The following SLAMF7 variants were observed in gnomAD, a reference collection of about 807,000 sequenced individuals.
The protein encoded by SLAMF7 is SLAM family member 7.
A neutral mutation model predicts 34.1 loss-of-function variants in SLAMF7; 26 were observed. The observed-to-expected ratio is 0.76, with a 90% CI of 0.56 to 1.06. SLAMF7 has a LOEUF of 1.06. Among genes scored for constraint, SLAMF7 ranks in the 50% least tolerant of loss-of-function variants. SLAMF7 has a pLI of 0.00. For missense variants in SLAMF7, 399 were observed against 402.5 expected, an observed-to-expected ratio of 0.99 and a Z score of 0.07; for synonymous variants, 171 against 156.4, an observed-to-expected ratio of 1.09 and a Z score of -0.70.
intron 1 of SLAMF7, chr1:160,739,591 C>A: frequency 2.4e-6 from 1 of 420,512 alleles, no homozygotes; most frequent in Non-Finnish European, 4.3e-6. Flanking sequence ...GATGAAGGAG[C>A]TGAAAGAAGT....
At chr1:160,750,533 T>G (rs1188093848) in intron 4 of SLAMF7, 110 bp downstream of exon 4, 2 of 1,331,998 alleles carry the variant, frequency 1.5e-6, no homozygotes, top group African/African-American at 2.9e-5. Context: ...GTGTTGAAGA[T>G]GCAGAGATGA....
Position 160,750,293 on chromosome 1 carries a change from A to G in SLAMF7, c.650-11A>G, listed in dbSNP as rs779237074. The G allele has an allele frequency of 6.2e-7, 1 of 1,613,224 alleles. No homozygotes were observed. Among genetic ancestry groups the G allele is most frequent in the Non-Finnish European group, 8.5e-7 (1 of 1,179,620 alleles). On this transcript the variant is annotated splice_polypyrimidine_tract_variant and intron_variant, in intron 3 of 6. Transcript: ENST00000368043. ...TTCTCCCTTCCCTGTGCCTCCACCCATTCTCTGAAGGTGCTGCTGATGACC... is the reference window on the plus strand; with the variant it reads ...TTCTCCCTTCCCTGTGCCTCCACCCGTTCTCTGAAGGTGCTGCTGATGACC...
At chr1:160,752,015 C>CA (rs1050082988) in intron 5 of SLAMF7, 171 bp from the exon 6 acceptor site, 11 of 539,068 alleles carry the variant, frequency 2.0e-5, no homozygotes, top group Non-Finnish European at 3.7e-5. Flanking sequence ...TAGCAGTCAC[C>CA]AACAAGAGAA....
chr1:160,751,415 G>T lies in SLAMF7; in HGVS notation c.840G>T (p.Glu280Asp), dbSNP rs749245846. 6.2e-7 allele frequency: 1 copy of T among 1,613,796 alleles called. No individual in the cohort carries two copies. Among genetic ancestry groups the T allele is most frequent in the African/African-American group, 1.3e-5 (1 of 74,886 alleles). ...CTAACATATGCCCCCATTCTGGAGA[G>T]AACACAGAGTACGACACAATCCCTC... is the stretch of plus-strand genomic sequence containing the variant. ...ETPNICPHSG[E>D]NTEYDTIPHT... The change falls in exon 5 of 7, where the codon GAG (glutamate) becomes GAT (aspartate). Residue 280 changes from glutamate (E) to aspartate (D), a missense_variant. Physicochemically the swap from Glu to Asp is conservative, Grantham distance 45 (BLOSUM62 2). Coordinates refer to ENST00000368043, the MANE Select transcript of SLAMF7 (RefSeq NM_021181.5).
At chr1:160,740,156 A>C (rs1166390711) in intron 1 of SLAMF7, among the ~76,000 whole-genome samples, 1 of 152,042 alleles carries the variant, frequency 6.6e-6, no homozygotes, top group Non-Finnish European at 1.5e-5. Flanking sequence ...GGTGCCCCCA[A>C]TATTTTCCCC....
At chr1:160,747,045 T>C (rs1487407274) in intron 1 of SLAMF7, among the ~76,000 whole-genome samples, 1 of 152,170 alleles carries the variant, frequency 6.6e-6, no homozygotes, top group Non-Finnish European at 1.5e-5. Context: ...ATGAGCTCAA[T>C]TACAATGTGA....
intron 6 of SLAMF7, among the ~76,000 whole-genome samples, chr1:160,752,875 G>A (rs949121867): frequency 1.3e-5 from 2 of 152,160 alleles, no homozygotes; most frequent in African/African-American, 4.8e-5. Context: ...TATTACAACT[G>A]AACAAGGAAA....
chr1:160,752,987 G>A (rs1009773345), intron 6 of SLAMF7, 119 bp from the exon 7 acceptor site: 7 of 811,302 alleles, frequency 8.6e-6, no homozygotes, highest in African/African-American at 1.7e-5. Flanking sequence ...GAGCCAGCAT[G>A]CCAGCCGATT....
rs747166783 is a variant in SLAMF7 at position 160,753,151 on chromosome 1, C to T, written c.982C>T (p.Leu328=). ...SLLTMPDTPR[L]FAYENVI is the part of the protein sequence containing the mutation. ...GCTCACGATGCCAGACACACCAAGG[C>T]TATTTGCCTATGAGAATGTTATCTA... The change falls in exon 7 of 7, where the codon CTA becomes TTA. Residue 328 remains leucine (L), a synonymous_variant. Transcript: ENST00000368043. 2.5e-6 allele frequency: 4 copies of T among 1,613,242 alleles called. No individual in the cohort carries two copies. Among genetic ancestry groups the T allele is most frequent in the Admixed American group, 3.3e-5 (2 of 59,994 alleles).
At chr1:160,742,831 G>C (rs1443812762) in intron 1 of SLAMF7, among the ~76,000 whole-genome samples, 1 of 152,164 alleles carries the variant, frequency 6.6e-6, no homozygotes, top group African/African-American at 2.4e-5. Context: ...ATAAAGCAGG[G>C]CTTAGGCTGT....
At chr1:160,739,134 GC>G (rs1663530743), upstream of SLAMF7, 1 of 671,716 alleles carries the variant, frequency 1.5e-6, no homozygotes, top group Non-Finnish European at 2.7e-6. Flanking sequence ...ATTGCTGGTG[GC>G]AAGGTAAAAT....
At position 160,754,552 on chromosome 1, in the gene SLAMF7, A is replaced by G. The variant is rs1043600591; in HGVS notation, c.*1375A>G. The G allele has an allele frequency of 6.6e-6, 1 of 152,358 alleles. No individual in the cohort carries two copies. The highest frequency in any genetic ancestry group is 2.4e-5 in the African/African-American group (1 of 41,452). 9.4% of individuals were successfully genotyped at this position (152,358 alleles called of 1,614,324 possible). A position where few individuals can be genotyped will look rare whatever the true frequency, so the allele number is the denominator to read the frequency against. On this transcript the variant is annotated 3_prime_UTR_variant, in exon 7 of 7. Coordinates refer to ENST00000368043, the MANE Select transcript of SLAMF7 (RefSeq NM_021181.5). Reference sequence around the variant, plus strand: ...CATCTCTTATACTTAAGTGAAAAACATGGGGAAGGGGAAAGGGGAATGGCT... The same window carrying G: ...CATCTCTTATACTTAAGTGAAAAACGTGGGGAAGGGGAAAGGGGAATGGCT...
intron 1 of SLAMF7, among the ~76,000 whole-genome samples, chr1:160,740,184 A>G (rs1301496400): frequency 6.6e-6 from 1 of 152,070 alleles, no homozygotes; most frequent in African/African-American, 2.4e-5. Flanking sequence ...CTAAGTGGTC[A>G]GCATCAGCAG....
At chr1:160,752,363 A>T in intron 6 of SLAMF7, 115 bp downstream of exon 6, 2 of 723,296 alleles carry the variant, frequency 2.8e-6, no homozygotes, top group South Asian at 3.5e-5. Context: ...ATTAAAAAGT[A>T]CCCTAGTAGT....
At chr1:160,743,096 C>G (rs1387284281) in intron 1 of SLAMF7, among the ~76,000 whole-genome samples, 1 of 152,148 alleles carries the variant, frequency 6.6e-6, no homozygotes, top group Non-Finnish European at 1.5e-5. Flanking sequence ...GGCCTCTAAT[C>G]CTGTGGACCA....
chr1:160,747,654 G>A (rs962122501), intron 1 of SLAMF7, among the ~76,000 whole-genome samples: 2 of 152,204 alleles, frequency 1.3e-5, no homozygotes, highest in African/African-American at 2.4e-5. Flanking sequence ...AGCTGAGATC[G>A]TGCCACTGCA....
chr1:160,750,195 C>A, intron 3 of SLAMF7, 102 bp downstream of exon 3: 4 of 1,575,852 alleles, frequency 2.5e-6, no homozygotes, highest in Non-Finnish European at 3.4e-6. Context: ...AACTGGAGGC[C>A]GCTGGGTGGT....
chr1:160,740,630 C>A (rs1273600085), intron 1 of SLAMF7, among the ~76,000 whole-genome samples: 1 of 152,170 alleles, frequency 6.6e-6, no homozygotes, highest in Non-Finnish European at 1.5e-5. Context: ...ATTACTCTTC[C>A]CTTCTGAGCC....
In SLAMF7 at chr1:160,748,317, T is replaced by C; in HGVS notation, c.179T>C (p.Leu60Pro). ...GTCTGGACCTTCAACACAACCCCTC[T>C]TGTCACCATACAGCCAGAAGGGGGC... The part of the protein sequence containing the change: ...SIVWTFNTTP[L>P]VTIQPEGGTI... The change falls in exon 2 of 7, where the codon CTT becomes CCT. Residue 60 changes from leucine to proline, a missense_variant. By Grantham distance (98) the Leu-to-Pro change is moderately conservative. Transcript: ENST00000368043. The C allele has an allele frequency of 6.2e-7, 1 of 1,614,038 alleles. No homozygotes were observed. The highest frequency in any genetic ancestry group is 1.7e-4 in the Middle Eastern group (1 of 6,060).
Sources: allele counts gnomAD v4.1 joint callset (sites outside exome capture counted in the v4.1 genomes callset), GRCh38; gene constraint gnomAD v4.1.1; transcripts MANE v1.5; gene names NCBI Gene and HGNC (gene_info 2026-07-23, HGNC 2026-07-21).